FOXK1: variants seen among roughly 807,000 people sequenced by gnomAD.
The protein encoded by FOXK1 is forkhead box protein K1.
In FOXK1, 19 loss-of-function variants were observed where a neutral mutation model predicts 51.9. That is an observed-to-expected ratio of 0.37 (90% CI 0.26 to 0.54). The LOEUF is 0.54. Among genes scored for constraint, FOXK1 ranks in the 20% least tolerant of loss-of-function variants. The pLI is 0.87. For missense variants in FOXK1, 870 were observed against 1,032.7 expected (o/e 0.84, Z 2.16); for synonymous variants, 537 against 482.6 (o/e 1.11, Z -1.48).
rs886226726 is a variant in FOXK1 at position 4,703,941 on chromosome 7, G to T, written c.560+21073G>T. Among the ~76,000 whole-genome samples the T allele has an allele frequency of 1.5e-4, 23 of 152,110 alleles. No homozygotes were observed. The highest frequency in any genetic ancestry group is 3.2e-4 in the Non-Finnish European group (22 of 68,010). On this transcript the variant is annotated intron_variant, in intron 1 of 8. Transcript: ENST00000328914. The surrounding 1 kb of genome is among the most constrained non-coding windows in gnomAD (Gnocchi z 5.6). ...CTATAAATACAGAAAACCAAACCTG[G>T]TGGGAAAAAATGCGTGTATACGTAC...
intron 2 of FOXK1, among the ~76,000 whole-genome samples, chr7:4,741,448 C>A (rs1359146216): frequency 6.6e-6 from 1 of 152,120 alleles, no homozygotes; most frequent in Non-Finnish European, 1.5e-5. Flanking sequence ...CTTGCCTCAG[C>A]CTCCCGAGTA....
chr7:4,759,018 CGCTGA>C lies in FOXK1; in HGVS notation c.1245-32_1245-28del, dbSNP rs769974045. 1.9e-4 allele frequency: 302 copies of C among 1,551,608 alleles called. No homozygotes were observed. The African/African-American group carries it at 2.4e-3, about 12-fold the overall frequency. Reference sequence around the variant, plus strand: ...ACGTCCTCGCATCCCTCAGCGCGGGCGCTGACTGCCGCGGCCCTTGCCTGTCTTCC... The same window carrying C: ...ACGTCCTCGCATCCCTCAGCGCGGGCCTGCCGCGGCCCTTGCCTGTCTTCC... On this transcript the variant is annotated intron_variant, in intron 5 of 8. Coordinates refer to ENST00000328914, the MANE Select transcript of FOXK1 (RefSeq NM_001037165.2).
intron 2 of FOXK1, among the ~76,000 whole-genome samples, chr7:4,746,948 C>T (rs951283794): frequency 2.0e-5 from 3 of 152,170 alleles, no homozygotes; most frequent in African/African-American, 4.8e-5. Context: ...GCTGAGAACT[C>T]TGGGGAAGTA....
intron 7 of FOXK1, chr7:4,760,062 G>GTGTC (rs1419151396): frequency 5.9e-6 from 1 of 170,202 alleles, no homozygotes; most frequent in Non-Finnish European, 1.2e-5. Context: ...CTCCGCAGAT[G>GTGTC]TGTCCTTCCT....
At chr7:4,696,784 C>T (rs1057451915) in intron 1 of FOXK1, among the ~76,000 whole-genome samples, 5 of 152,044 alleles carry the variant, frequency 3.3e-5, no homozygotes, top group Admixed American at 6.6e-5. Flanking sequence ...ATGCCTCCTT[C>T]GGGCCAGGTG....
At position 4,756,689 on chromosome 7, in the gene FOXK1, C is replaced by T. The variant is rs1303819636; in HGVS notation, c.1051-305C>T. On this transcript the variant is annotated intron_variant, in intron 4 of 8. Coordinates refer to ENST00000328914, the MANE Select transcript of FOXK1 (RefSeq NM_001037165.2). The surrounding 1 kb of genome is among the most constrained non-coding windows in gnomAD (Gnocchi z 4.1). ...CTGAGGCAGGAGAATCCCTTGAACCCGGGAGGCGGAACTTGCAGTGAGCCG... is the reference window on the plus strand; with the variant it reads ...CTGAGGCAGGAGAATCCCTTGAACCTGGGAGGCGGAACTTGCAGTGAGCCG... Among the ~76,000 whole-genome samples, 2 of 151,562 alleles carry T rather than the reference C, an allele frequency of 1.3e-5. No homozygotes were observed. The highest frequency in any genetic ancestry group is 1.5e-5 in the Non-Finnish European group (1 of 67,938).
chr7:4,728,791 G>T (rs1238360361), intron 1 of FOXK1, among the ~76,000 whole-genome samples: 1 of 150,816 alleles, frequency 6.6e-6, no homozygotes, highest in African/African-American at 2.4e-5. Context: ...TCGGGCATGA[G>T]AGTGAGCCAG....
chr7:4,756,175 C>T lies in FOXK1; in HGVS notation c.1050+792C>T, dbSNP rs1255557393. The stretch of plus-strand genomic sequence containing the variant: ...TGCCATCCCGGCTGGAGTGTGGTGG[C>T]GCGATCTCAGCTCACTGCAACCTTC... On this transcript the variant is annotated intron_variant, in intron 4 of 8. Transcript: ENST00000328914. This position sits in a 1 kb window ranked among gnomAD's most constrained non-coding sequence, Gnocchi z 4.1. Among the ~76,000 whole-genome samples the T allele has an allele frequency of 1.3e-5, 2 of 152,092 alleles. No homozygotes were observed. Among genetic ancestry groups the T allele is most frequent in the African/African-American group, 2.4e-5 (1 of 41,438 alleles).
At chr7:4,746,847 G>A (rs1780708790) in intron 2 of FOXK1, among the ~76,000 whole-genome samples, 1 of 152,254 alleles carries the variant, frequency 6.6e-6, no homozygotes, top group Non-Finnish European at 1.5e-5. Context: ...CAAATCCAGT[G>A]AGGGTCCCTC....
At chr7:4,751,463 C>A (rs1780776861) in intron 2 of FOXK1, among the ~76,000 whole-genome samples, 1 of 152,206 alleles carries the variant, frequency 6.6e-6, no homozygotes, top group Admixed American at 6.5e-5. Flanking sequence ...CTGGGTGTCC[C>A]ATCCCACCCT....
In FOXK1 at chr7:4,703,565, C is replaced by T. The variant is rs1004255366; in HGVS notation, c.560+20697C>T. ...TGAAGGTGCCCAGGAGACTTGGGTA[C>T]ATTTTGCTCATCTTAGGGTTGGGGA... On this transcript the variant is annotated intron_variant, in intron 1 of 8. Transcript: ENST00000328914. This position sits in a 1 kb window ranked among gnomAD's most constrained non-coding sequence, Gnocchi z 5.6. 5.3e-5 allele frequency among the ~76,000 whole-genome samples: 8 copies of T among 152,200 alleles called. No homozygotes were observed. The highest frequency in any genetic ancestry group is 1.4e-4 in the African/African-American group (6 of 41,462).
intron 1 of FOXK1, among the ~76,000 whole-genome samples, chr7:4,720,561 G>A (rs1780295499): frequency 6.6e-6 from 1 of 152,154 alleles, no homozygotes; most frequent in South Asian, 2.1e-4. Flanking sequence ...GTGGGGATGG[G>A]CAGCCTGTGG....
intron 1 of FOXK1, among the ~76,000 whole-genome samples, chr7:4,691,480 G>A (rs900829960): frequency 1.3e-5 from 2 of 152,108 alleles, no homozygotes; most frequent in Non-Finnish European, 2.9e-5. Context: ...AGTTACAGGT[G>A]CCTGCCACCA....
chr7:4,762,573 C>T lies in FOXK1; in HGVS notation c.*109C>T. The stretch of plus-strand genomic sequence containing the variant: ...GACGGAGGAGAACAGCCCGCGGCGG[C>T]CTGTGGGCATCGGCGGCACCTGGAC... On this transcript the variant is annotated 3_prime_UTR_variant, in exon 9 of 9. Coordinates refer to ENST00000328914, the MANE Select transcript of FOXK1 (RefSeq NM_001037165.2). The surrounding 1 kb of genome is among the most constrained non-coding windows in gnomAD (Gnocchi z 5.7). 8.6e-7 allele frequency: 1 copy of T among 1,160,624 alleles called. No individual in the cohort carries two copies. The highest frequency in any genetic ancestry group is 1.2e-6 in the Non-Finnish European group (1 of 843,870). 71.9% of individuals were successfully genotyped at this position (1,160,624 alleles called of 1,614,324 possible). A position where few individuals can be genotyped will look rare whatever the true frequency, so the allele number is the denominator to read the frequency against.
At chr7:4,702,921 C>G (rs1169924265) in intron 1 of FOXK1, among the ~76,000 whole-genome samples, 1 of 152,184 alleles carries the variant, frequency 6.6e-6, no homozygotes, top group African/African-American at 2.4e-5. Context: ...CCTGCCCGCC[C>G]TACCCAGCTC....
chr7:4,721,312 C>T (rs982978184), intron 1 of FOXK1, among the ~76,000 whole-genome samples: 3 of 152,142 alleles, frequency 2.0e-5, no homozygotes, highest in African/African-American at 7.2e-5. Flanking sequence ...CTTGAGCTGC[C>T]GGCCTAGCCC....
chr7:4,713,913 C>T (rs1264390904), intron 1 of FOXK1, among the ~76,000 whole-genome samples: 1 of 151,994 alleles, frequency 6.6e-6, no homozygotes, highest in African/African-American at 2.4e-5. Flanking sequence ...GCAACCTCCA[C>T]CTCCCGAGTT....
Position 4,762,090 on chromosome 7 carries a change from C to T in FOXK1, c.1922-94C>T, listed in dbSNP as rs1245254235. ...GCAGGGGTGCACTGACCTCCGGTTC[C>T]GGCTTGGTGGCTTAGCCCCTGTATA... is the stretch of plus-strand genomic sequence containing the variant. On this transcript the variant is annotated intron_variant, in intron 8 of 8. Transcript: ENST00000328914. This position sits in a 1 kb window ranked among gnomAD's most constrained non-coding sequence, Gnocchi z 5.7. 1.8e-5 allele frequency: 26 copies of T among 1,423,776 alleles called. No homozygotes were observed. In the South Asian group the frequency reaches 2.4e-4, roughly 13 times the overall value. The allele number at this position is 1,423,776 out of a possible 1,614,324, so 88.2% of individuals were successfully genotyped here. A position where few individuals can be genotyped will look rare whatever the true frequency, so the allele number is the denominator to read the frequency against.
chr7:4,732,304 A>G (rs1780488311), intron 1 of FOXK1, among the ~76,000 whole-genome samples: 1 of 152,172 alleles, frequency 6.6e-6, no homozygotes, highest in Admixed American at 6.5e-5. Flanking sequence ...GAGACTGACC[A>G]AAGATCCCAG....
Sources: allele counts gnomAD v4.1 joint callset (sites outside exome capture counted in the v4.1 genomes callset), GRCh38; gene constraint gnomAD v4.1.1; non-coding constraint Gnocchi (gnomAD v3.1); transcripts MANE v1.5; gene names NCBI Gene and HGNC (gene_info 2026-07-23, HGNC 2026-07-21).